Variants in NAALADL2 observed in about 807,000 individuals in gnomAD.
NAALADL2 encodes N-acetylated alpha-linked acidic dipeptidase like 2.
In NAALADL2, 76 loss-of-function variants were observed where a neutral mutation model predicts 87.2. The observed-to-expected ratio is 0.87, with a 90% CI of 0.72 to 1.05. The LOEUF (loss-of-function observed/expected upper bound fraction) is 1.05. NAALADL2 is among the 50% of genes least tolerant of loss of function. The probability of loss-of-function intolerance (pLI) is 0.00; values close to 1 mark genes in which losing one functional copy is unlikely to be tolerated. For synonymous variants in NAALADL2, 354 were observed against 331.0 expected, an observed-to-expected ratio of 1.07 and a Z score of -0.75; for missense variants, 1,089 against 945.8, an observed-to-expected ratio of 1.15 and a Z score of -1.99.
At chr3:174,795,569 TTG>T (rs1325377978) in intron 3 of NAALADL2, among the ~76,000 whole-genome samples, 22 of 152,128 alleles carry the variant, frequency 1.4e-4, no homozygotes, top group African/African-American at 5.3e-4. Flanking sequence ...AGTAGAATTG[TTG>T]GGCCAATAGT....
At chr3:175,633,958 T>C (rs964847782) in intron 11 of NAALADL2, among the ~76,000 whole-genome samples, 1 of 151,858 alleles carries the variant, frequency 6.6e-6, no homozygotes, top group African/African-American at 2.4e-5. Flanking sequence ...ATTTCCATTA[T>C]ATATGTGAAG....
At chr3:174,763,831 A>AAAC (rs911032821) in intron 3 of NAALADL2, among the ~76,000 whole-genome samples, 4 of 17,828 alleles carry the variant, frequency 2.2e-4, no homozygotes, top group African/African-American at 1.3e-3. Context: ...AAACAAAACA[A>AAAC]AAAAAAAAAA....
intron 2 of NAALADL2, among the ~76,000 whole-genome samples, chr3:175,186,935 G>A (rs1030377891): frequency 2.0e-5 from 3 of 152,016 alleles, no homozygotes; most frequent in Non-Finnish European, 4.4e-5. Context: ...CTCATCTTGT[G>A]AGAGCAAATA....
intron 13 of NAALADL2, among the ~76,000 whole-genome samples, chr3:175,779,778 T>C (rs1750760618): frequency 6.6e-6 from 1 of 152,054 alleles, no homozygotes; most frequent in South Asian, 2.1e-4. Context: ...TAATACAAGG[T>C]TTTCTATCTT....
chr3:175,284,409 T>G (rs2110100546), intron 4 of NAALADL2, among the ~76,000 whole-genome samples: 1 of 152,210 alleles, frequency 6.6e-6, no homozygotes, highest in African/African-American at 2.4e-5. Flanking sequence ...ATTCTGATTA[T>G]ATTATGTCTT....
chr3:175,779,442 G>A (rs1304895814), intron 13 of NAALADL2, among the ~76,000 whole-genome samples: 3 of 151,804 alleles, frequency 2.0e-5, no homozygotes, highest in Non-Finnish European at 4.4e-5. Flanking sequence ...CTTTTTAGAT[G>A]TAATTCATTT....
rs1179402693 is a variant in NAALADL2, at chr3:175,810,115, A to G, written c.*6912A>G. 1 of 151,978 alleles carries G rather than the reference A, an allele frequency of 6.6e-6. No homozygotes were observed. The highest frequency in any genetic ancestry group is 1.5e-5 in the Non-Finnish European group (1 of 67,946). 9.4% of individuals were successfully genotyped at this position (151,978 alleles called of 1,614,324 possible). On this transcript the variant is annotated 3_prime_UTR_variant, in exon 14 of 14. Coordinates refer to ENST00000454872, the MANE Select transcript of NAALADL2 (RefSeq NM_207015.3). ...TTGTCATTGTCGTTGTTGTTAACTG[A>G]TTTTTAATGATATTGATTTAGAGGC...
chr3:175,109,837 G>A (rs895066922), intron 2 of NAALADL2, among the ~76,000 whole-genome samples: 4 of 151,642 alleles, frequency 2.6e-5, no homozygotes, highest in African/African-American at 9.7e-5. Context: ...CAAAACAAAC[G>A]AACCCACTCG....
At chr3:174,730,055 C>T (rs765793450) in intron 2 of NAALADL2, among the ~76,000 whole-genome samples, 6 of 151,996 alleles carry the variant, frequency 3.9e-5, no homozygotes, top group Admixed American at 6.6e-5. Context: ...TAATTTTCCA[C>T]TTCTTAAAAT....
At chr3:174,798,006 G>A (rs1220652643) in intron 3 of NAALADL2, among the ~76,000 whole-genome samples, 1 of 147,672 alleles carries the variant, frequency 6.8e-6, no homozygotes, top group South Asian at 2.2e-4. Flanking sequence ...ATTTATGTCT[G>A]TGATCTATAA....
intron 2 of NAALADL2, among the ~76,000 whole-genome samples, chr3:174,712,909 C>T (rs796998945): frequency 2.0e-5 from 3 of 152,110 alleles, no homozygotes; most frequent in Admixed American, 6.5e-5. Context: ...CCCAGTAACT[C>T]GTCATTTAAC....
At chr3:175,246,441 A>G (rs1000313330) in intron 3 of NAALADL2, among the ~76,000 whole-genome samples, 1 of 152,176 alleles carries the variant, frequency 6.6e-6, no homozygotes, top group African/African-American at 2.4e-5. Context: ...GAGAACGAGA[A>G]AGGCTCAGAA....
chr3:175,212,343 A>G (rs1220912388), intron 2 of NAALADL2, among the ~76,000 whole-genome samples: 1 of 152,076 alleles, frequency 6.6e-6, no homozygotes, highest in African/African-American at 2.4e-5. Flanking sequence ...AGGTAAAAAA[A>G]AAATGAGTTA....
At position 175,463,450 on chromosome 3, in the gene NAALADL2, A is replaced by G. The variant is rs1432180493; in HGVS notation, c.1284A>G (p.Thr428=). ...MQVQTVTKLK[T]VTNVVGFVMG... ...TTCAGACAGTCACAAAATTGAAAAC[A>G]GTTACTAATGTTGTTGGATTTGTAA... Residue 428 remains threonine (T), a synonymous_variant, in exon 7 of 14, where the codon ACA becomes ACG. Transcript: ENST00000454872. 12 of 1,601,102 alleles carry G rather than the reference A, an allele frequency of 7.5e-6. No individual in the cohort carries two copies. The African/African-American group carries it at 1.6e-4, about 21-fold the overall frequency.
chr3:175,222,840 C>T (rs1743580027), intron 2 of NAALADL2, among the ~76,000 whole-genome samples: 1 of 151,734 alleles, frequency 6.6e-6, no homozygotes, highest in Admixed American at 6.6e-5. Context: ...AAAGAAAAAA[C>T]ATTTAGAGAG....
At chr3:174,799,014 AC>A (rs2109240213) in intron 3 of NAALADL2, among the ~76,000 whole-genome samples, 1 of 152,224 alleles carries the variant, frequency 6.6e-6, no homozygotes, top group East Asian at 1.9e-4. Context: ...TACTAAAAAT[AC>A]AAAAATTACT....
At chr3:174,975,657 G>A (rs1326211362) in intron 1 of NAALADL2, among the ~76,000 whole-genome samples, 34 of 152,150 alleles carry the variant, frequency 2.2e-4, no homozygotes, top group African/African-American at 8.0e-4. Flanking sequence ...GCTAGTTGCT[G>A]TGATTGTATT....
intron 2 of NAALADL2, among the ~76,000 whole-genome samples, chr3:174,728,118 C>A (rs1158746506): frequency 6.6e-6 from 1 of 151,946 alleles, no homozygotes; most frequent in Non-Finnish European, 1.5e-5. Flanking sequence ...TATACATTCA[C>A]CTCTAGGACA....
intron 9 of NAALADL2, among the ~76,000 whole-genome samples, chr3:175,483,069 A>T (rs1726738089): frequency 6.6e-6 from 1 of 151,946 alleles, no homozygotes; most frequent in African/African-American, 2.4e-5. Flanking sequence ...TCACTACTTG[A>T]GAAATAAACC....
Sources: allele counts gnomAD v4.1 joint callset (sites outside exome capture counted in the v4.1 genomes callset), GRCh38; gene constraint gnomAD v4.1.1; transcripts MANE v1.5; gene names NCBI Gene and HGNC (gene_info 2026-07-23, HGNC 2026-07-21).